LRRC49: variants seen among roughly 807,000 people sequenced by gnomAD.
LRRC49 encodes leucine-rich repeat-containing protein 49.
Under a neutral mutation model 83.3 loss-of-function variants are expected in LRRC49, and 50 were observed. The observed-to-expected ratio is 0.60, with a 90% CI of 0.48 to 0.76. LRRC49 has a LOEUF of 0.76. LRRC49 is among the 30% of genes least tolerant of loss of function. The pLI, the probability that LRRC49 is intolerant of heterozygous loss-of-function variation, is 0.00. For synonymous variants in LRRC49, 286 were observed against 283.3 expected (o/e 1.01, Z -0.10); for missense variants, 704 against 809.1 (o/e 0.87, Z 1.58).
At chr15:70,885,703 T>C (rs2033388106) in intron 2 of LRRC49, among the ~76,000 whole-genome samples, 1 of 152,170 alleles carries the variant, frequency 6.6e-6, no homozygotes, top group Non-Finnish European at 1.5e-5. Context: ...CCTAATAACA[T>C]AGCTTCAAGA....
At chr15:70,907,868 A>G in intron 5 of LRRC49, 1 of 425,228 alleles carries the variant, frequency 2.4e-6, no homozygotes, top group Non-Finnish European at 4.8e-6. Context: ...TAACGTAAAA[A>G]TGGTCAAATT....
intron 3 of LRRC49, chr15:70,898,583 C>T (rs2033934347): frequency 7.7e-6 from 4 of 518,716 alleles, no homozygotes; most frequent in Non-Finnish European, 1.4e-5. Flanking sequence ...AAGACCCCAT[C>T]TTGAACATGG....
At chr15:70,853,880 C>G (rs2032564150) in intron 1 of LRRC49, 1 of 1,269,556 alleles carries the variant, frequency 7.9e-7, no homozygotes, top group African/African-American at 1.6e-5. Context: ...GGCCAGCCGC[C>G]GCGCCTACCT....
chr15:70,963,747 G>A (rs1177978677), intron 8 of LRRC49, 38 bp from the exon 9 acceptor site: 19 of 1,585,218 alleles, frequency 1.2e-5, no homozygotes, highest in Non-Finnish European at 1.4e-5. Context: ...TTATCTTAAG[G>A]CCTCAGAATA....
At chr15:71,006,456 G>A (rs1046045095) in intron 11 of LRRC49, among the ~76,000 whole-genome samples, 10 of 152,176 alleles carry the variant, frequency 6.6e-5, no homozygotes, top group Admixed American at 3.3e-4. Context: ...GCCATCAGGC[G>A]TCCCTATGTG....
At position 70,930,575 on chromosome 15, in the gene LRRC49, G is replaced by A. The variant is rs573305984; in HGVS notation, c.712-6186G>A. 9.8e-5 allele frequency among the ~76,000 whole-genome samples: 15 copies of A among 152,310 alleles called. No individual in the cohort carries two copies. The East Asian group carries it at 2.7e-3, about 27-fold the overall frequency. The stretch of plus-strand genomic sequence containing the variant: ...GAGTCAGCATGTGTTTTGAAGCTTT[G>A]AAGTTAGTTATTGACTTCTCCTCTC... On this transcript the variant is annotated intron_variant, in intron 7 of 15. Transcript: ENST00000260382.
chr15:70,966,205 G>T (rs1356345983), intron 9 of LRRC49, among the ~76,000 whole-genome samples: 2 of 152,048 alleles, frequency 1.3e-5, no homozygotes, highest in African/African-American at 4.8e-5. Context: ...CACTGTGGTG[G>T]ATTACACAAA....
intron 6 of LRRC49, among the ~76,000 whole-genome samples, chr15:70,916,994 G>A (rs2034806117): frequency 1.3e-5 from 2 of 152,198 alleles, no homozygotes; most frequent in Non-Finnish European, 2.9e-5. Flanking sequence ...CCTGCTGTTG[G>A]TGCCTGCTCC....
At chr15:70,993,149 C>T (rs540096809) in intron 11 of LRRC49, among the ~76,000 whole-genome samples, 6 of 152,196 alleles carry the variant, frequency 3.9e-5, no homozygotes, top group Admixed American at 6.5e-5. Context: ...TAGCAATGAG[C>T]GAGGCTCTGT....
chr15:70,959,328 A>G (rs2036513570), intron 8 of LRRC49, among the ~76,000 whole-genome samples: 1 of 152,170 alleles, frequency 6.6e-6, no homozygotes, highest in Non-Finnish European at 1.5e-5. Flanking sequence ...TGTCTCTACT[A>G]AAAATACAAA....
At chr15:71,017,608 C>A (rs963136142) in intron 14 of LRRC49, among the ~76,000 whole-genome samples, 24 of 151,966 alleles carry the variant, frequency 1.6e-4, no homozygotes, top group African/African-American at 5.8e-4. Flanking sequence ...AAAATGTAAG[C>A]CCAACTCACT....
intron 1 of LRRC49, among the ~76,000 whole-genome samples, chr15:70,872,332 C>T (rs924533914): frequency 1.3e-5 from 2 of 151,512 alleles, no homozygotes; most frequent in African/African-American, 4.9e-5. Context: ...TGCAGTGAAC[C>T]GAGATTGCGG....
intron 7 of LRRC49, among the ~76,000 whole-genome samples, chr15:70,922,369 A>G (rs896385324): frequency 1.8e-4 from 28 of 152,192 alleles, no homozygotes; most frequent in African/African-American, 6.8e-4. Context: ...AGATCCAGTC[A>G]TTTGCAACAA....
chr15:71,015,802 T>G (rs2038806259), intron 14 of LRRC49, among the ~76,000 whole-genome samples: 1 of 152,226 alleles, frequency 6.6e-6, no homozygotes, highest in African/African-American at 2.4e-5. Flanking sequence ...GAATTTGTTC[T>G]ACAGATAATT....
intron 11 of LRRC49, among the ~76,000 whole-genome samples, chr15:70,997,924 T>C (rs1024112264): frequency 2.0e-5 from 3 of 152,222 alleles, no homozygotes; most frequent in Admixed American, 6.5e-5. Context: ...TGTATTTAAC[T>C]GATTTTCTTA....
chr15:70,969,419 T>G (rs1210358321), intron 9 of LRRC49, among the ~76,000 whole-genome samples: 1 of 152,214 alleles, frequency 6.6e-6, no homozygotes, highest in Non-Finnish European at 1.5e-5. Context: ...GGTAGCATGA[T>G]GCCTCCAGCT....
chr15:70,951,656 A>G (rs1406514908), intron 8 of LRRC49, among the ~76,000 whole-genome samples: 1 of 152,016 alleles, frequency 6.6e-6, no homozygotes, highest in Admixed American at 6.6e-5. Context: ...TAGAAGCCTT[A>G]TGATGGAGTC....
rs140430957 is a variant in LRRC49, at chr15:70,960,482, G to A, written c.774-3303G>A. ...TCAGAGCAAAACGTGTATCATTCAT[G>A]TAGTAAATAAACTAAGTGTTTAAAT... is the stretch of plus-strand genomic sequence containing the variant. On this transcript the variant is annotated intron_variant, in intron 8 of 15. Transcript: ENST00000260382. 4.7e-3 allele frequency among the ~76,000 whole-genome samples: 721 copies of A among 152,290 alleles called. 2 individuals carry two copies. Among genetic ancestry groups the A allele is most frequent in the Middle Eastern group, 0.01 (3 of 294 alleles).
At chr15:70,927,551 C>T (rs1006374739) in intron 7 of LRRC49, among the ~76,000 whole-genome samples, 1 of 152,132 alleles carries the variant, frequency 6.6e-6, no homozygotes, top group Non-Finnish European at 1.5e-5. Context: ...AAATCTTTTC[C>T]TGTCCCAATA....
Sources: gnomAD v4.1 joint callset for allele counts (sites outside exome capture counted in the v4.1 genomes callset) on GRCh38, gnomAD v4.1.1 for gene constraint, MANE v1.5 for transcripts, NCBI Gene and HGNC (gene_info 2026-07-23, HGNC 2026-07-21) for gene names.